SASH1: variants seen among roughly 807,000 people sequenced by gnomAD.
SASH1 encodes SAM and SH3 domain containing 1, also known as SAM and SH3 domain-containing protein 1.
SASH1 carries 44 observed loss-of-function variants against 125.2 expected under a neutral mutation model. The observed-to-expected ratio is 0.35, with a 90% CI of 0.28 to 0.45. The LOEUF (loss-of-function observed/expected upper bound fraction) is 0.45. Among genes scored for constraint, SASH1 ranks in the 20% least tolerant of loss-of-function variants. SASH1 has a pLI of 1.00. For synonymous variants in SASH1, 639 were observed against 649.1 expected (o/e 0.98, Z 0.24); for missense variants, 1,426 against 1,614.5 (o/e 0.88, Z 2.00).
At chr6:148,350,252 A>T (rs2114661938) in intron 1 of SASH1, among the ~76,000 whole-genome samples, 1 of 152,308 alleles carries the variant, frequency 6.6e-6, no homozygotes, top group African/African-American at 2.4e-5. Flanking sequence ...GCCAGGAGTT[A>T]GACCAGCCTG....
chr6:148,388,198 A>G (rs558961208), intron 1 of SASH1, among the ~76,000 whole-genome samples: 13 of 152,222 alleles, frequency 8.5e-5, no homozygotes, highest in African/African-American at 3.1e-4. Flanking sequence ...TACAGGCGTG[A>G]GCCCCTGCGC....
chr6:148,194,840 A>G, the SASH1 span, among the ~76,000 whole-genome samples: 3 of 152,222 alleles, frequency 2.0e-5, no homozygotes, highest in African/African-American at 7.2e-5. Context: ...TAGGAGGCGG[A>G]GCTGGCAGTG....
At chr6:148,496,510 A>G (rs1779316458) in intron 8 of SASH1, among the ~76,000 whole-genome samples, 1 of 152,278 alleles carries the variant, frequency 6.6e-6, no homozygotes, top group Non-Finnish European at 1.5e-5. Flanking sequence ...TGGGATAGGT[A>G]TCAGCAATTC....
chr6:148,300,273 G>C (rs1779902619), intron 1 of SASH1, among the ~76,000 whole-genome samples: 1 of 152,012 alleles, frequency 6.6e-6, no homozygotes, highest in Admixed American at 6.6e-5. Context: ...GTAAACTCCA[G>C]GTTGGAAGGA....
At chr6:148,534,655 A>G (rs910553451) in intron 15 of SASH1, 96 bp from the exon 16 acceptor site, 42 of 1,177,890 alleles carry the variant, frequency 3.6e-5, no homozygotes, top group African/African-American at 1.4e-4. Flanking sequence ...GAAGGTGACT[A>G]TGGGAACAGT....
In SASH1 at chr6:148,362,131, G is replaced by A. The variant is rs531440542; in HGVS notation, c.156+18908G>A. Among the ~76,000 whole-genome samples, 3 of 151,628 alleles carry A rather than the reference G, an allele frequency of 2.0e-5. 1 individual carries two copies. The South Asian group carries it at 6.3e-4, about 32-fold the overall frequency. On this transcript the variant is annotated intron_variant, in intron 1 of 19. Coordinates refer to ENST00000367467, the MANE Select transcript of SASH1 (RefSeq NM_015278.5). ...TTTAGTAGAGACGGGGTTTCTCCGT[G>A]TTAGCCAGGATGGTCTCGATATCCT...
intron 2 of SASH1, among the ~76,000 whole-genome samples, chr6:148,415,501 G>A (rs965011283): frequency 2.6e-5 from 4 of 152,022 alleles, no homozygotes; most frequent in Non-Finnish European, 4.4e-5. Flanking sequence ...TTGTAGGACC[G>A]TTTTCTTTAA....
At chr6:148,354,455 T>C (rs148748972) in intron 1 of SASH1, among the ~76,000 whole-genome samples, 1 of 152,350 alleles carries the variant, frequency 6.6e-6, no homozygotes, top group East Asian at 1.9e-4. Context: ...AATTGGTTTT[T>C]ATAATCCTGA....
intron 1 of SASH1, among the ~76,000 whole-genome samples, chr6:148,325,916 A>G (rs1057460614): frequency 6.6e-6 from 1 of 152,018 alleles, no homozygotes; most frequent in Admixed American, 6.6e-5. Flanking sequence ...GTCTTGTCTC[A>G]AATTTCATCT....
chr6:148,518,046 G>A (rs1180181833), intron 9 of SASH1, among the ~76,000 whole-genome samples: 2 of 152,184 alleles, frequency 1.3e-5, no homozygotes, highest in African/African-American at 2.4e-5. Flanking sequence ...CTTCTTCTTG[G>A]AAGTGGAGGG....
chr6:148,394,748 G>A (rs557183923), intron 2 of SASH1, among the ~76,000 whole-genome samples: 10 of 152,168 alleles, frequency 6.6e-5, no homozygotes, highest in South Asian at 2.1e-4. Flanking sequence ...GGGTTCAAGC[G>A]ATTCTCTTGC....
At chr6:148,214,939 G>A in the SASH1 span, among the ~76,000 whole-genome samples, 4 of 152,178 alleles carry the variant, frequency 2.6e-5, no homozygotes, top group African/African-American at 9.7e-5. Flanking sequence ...GGCCATCCCT[G>A]CCCTGGCCCT....
intron 4 of SASH1, among the ~76,000 whole-genome samples, chr6:148,459,999 C>A (rs1229429145): frequency 1.3e-5 from 2 of 152,128 alleles, no homozygotes; most frequent in African/African-American, 4.8e-5. Context: ...CTTATGACAG[C>A]ATTTGAGACA....
rs1407642608 is a variant in SASH1 at position 148,529,731 on chromosome 6, T to TAAAAG, written c.1429-1791_1429-1787dup. ...CAGCCATTTCACATAAGTTAAGGAA[T>TAAAAG]AAAAGAAACAACTGATCATTATAAA... On this transcript the variant is annotated intron_variant, in intron 12 of 19. Transcript: ENST00000367467. This position sits in a 1 kb window ranked among gnomAD's most constrained non-coding sequence, Gnocchi z 4.2. Among the ~76,000 whole-genome samples the TAAAAG allele has an allele frequency of 1.3e-5, 2 of 152,182 alleles. No homozygotes were observed. The highest frequency in any genetic ancestry group is 2.9e-5 in the Non-Finnish European group (2 of 68,028).
At chr6:148,460,560 A>G (rs1252409250) in intron 4 of SASH1, among the ~76,000 whole-genome samples, 2 of 152,232 alleles carry the variant, frequency 1.3e-5, no homozygotes, top group Non-Finnish European at 2.9e-5. Context: ...TAATTGAGGT[A>G]ATCGACGGAC....
In SASH1 at chr6:148,329,710, A is replaced by G. The variant is rs1457318533; in HGVS notation, n.74+57333A>G. ...GAAGGAAAGTACTCTAGAGAGGAAC[A>G]TGGCCTTCAACAACAGGGGCGAGTC... On this transcript the variant is annotated intron_variant and non_coding_transcript_variant, in intron 1 of 3. Transcript: ENST00000367469. Among the ~76,000 whole-genome samples, 7 of 152,330 alleles carry G rather than the reference A, an allele frequency of 4.6e-5. No homozygotes were observed. In the East Asian group the frequency reaches 1.4e-3, roughly 29 times the overall value.
intron 1 of SASH1, among the ~76,000 whole-genome samples, chr6:148,305,129 A>G (rs1201779827): frequency 6.6e-6 from 1 of 152,230 alleles, no homozygotes; most frequent in Non-Finnish European, 1.5e-5. Context: ...CCCTATTTAT[A>G]CACTTTTGGT....
chr6:148,317,736 T>C (rs537984500), intron 1 of SASH1, among the ~76,000 whole-genome samples: 1 of 151,898 alleles, frequency 6.6e-6, no homozygotes, highest in African/African-American at 2.4e-5. Context: ...AGGAAAAAAA[T>C]TTTTAATGGG....
At chr6:148,430,688 A>G (rs1776024306) in intron 2 of SASH1, among the ~76,000 whole-genome samples, 1 of 152,230 alleles carries the variant, frequency 6.6e-6, no homozygotes, top group South Asian at 2.1e-4. Context: ...TTCTCAAACA[A>G]TACACATCAC....
Sources: gnomAD v4.1 joint callset for allele counts (sites outside exome capture counted in the v4.1 genomes callset) on GRCh38, gnomAD v4.1.1 for gene constraint, Gnocchi (gnomAD v3.1) non-coding constraint, MANE v1.5 for transcripts, NCBI Gene and HGNC (gene_info 2026-07-23, HGNC 2026-07-21) for gene names.